Variants in SEMA6A observed in about 807,000 individuals in gnomAD.
The protein encoded by SEMA6A is semaphorin-6A.
Under a neutral mutation model 96.8 loss-of-function variants are expected in SEMA6A, and 25 were observed. The ratio of observed to expected loss-of-function variants is 0.26; its 90% CI spans 0.19 to 0.36. SEMA6A has a LOEUF of 0.36. Among genes scored for constraint, SEMA6A ranks in the 10% least tolerant of loss-of-function variants. SEMA6A has a pLI of 1.00. For missense variants in SEMA6A, 1,363 were observed against 1,323.1 expected, an observed-to-expected ratio of 1.03 and a Z score of -0.47; for synonymous variants, 612 against 518.0, an observed-to-expected ratio of 1.18 and a Z score of -2.46.
intron 3 of SEMA6A, among the ~76,000 whole-genome samples, chr5:116,499,520 A>G (rs1440773603): frequency 6.6e-6 from 1 of 152,134 alleles, no homozygotes; most frequent in African/African-American, 2.4e-5. Flanking sequence ...GTGTAAAATT[A>G]AAGTGAATTA....
Position 116,491,634 on chromosome 5 carries a change from A to C in SEMA6A, c.535+106T>G, listed in dbSNP as rs1282742677. 6 of 817,222 alleles carry C rather than the reference A, an allele frequency of 7.3e-6. No individual in the cohort carries two copies. In the African/African-American group the frequency reaches 1.0e-4, roughly 14 times the overall value. The allele number at this position is 817,222 out of a possible 1,614,324, so 50.6% of individuals were successfully genotyped here. Reference sequence around the variant, plus strand: ...CATTCTTAATTACAGTATTCACCAGAGAATCAAAGCACAACTGTGACTCCA... The same window carrying C: ...CATTCTTAATTACAGTATTCACCAGCGAATCAAAGCACAACTGTGACTCCA... On this transcript the variant is annotated intron_variant, in intron 7 of 18. Transcript: ENST00000343348.
In SEMA6A at chr5:116,446,416, G is replaced by A. The variant is rs978097371; in HGVS notation, c.*197C>T. On this transcript the variant is annotated 3_prime_UTR_variant, in exon 19 of 19. Transcript: ENST00000343348. ...AAGAGAATGAAGGTGAGTCCCCGCC[G>A]TTGCAAACCTTCACCAAACCACGCG... The A allele has an allele frequency of 1.0e-5, 5 of 482,952 alleles. No individual in the cohort carries two copies. The highest frequency in any genetic ancestry group is 3.1e-5 in the East Asian group (1 of 32,086). The allele number at this position is 482,952 out of a possible 1,614,324, so 29.9% of individuals were successfully genotyped here. A position where few individuals can be genotyped will look rare whatever the true frequency, so the allele number is the denominator to read the frequency against.
At chr5:116,480,723 A>T (rs55926200) in intron 11 of SEMA6A, among the ~76,000 whole-genome samples, 18,058 of 152,140 alleles carry the variant, frequency 0.12, 2,537 homozygotes, top group African/African-American at 0.34. Flanking sequence ...AAAACTCACC[A>T]GGGTATGTGC....
chr5:116,544,480 T>A (rs1020851056), intron 1 of SEMA6A, among the ~76,000 whole-genome samples: 2 of 151,754 alleles, frequency 1.3e-5, no homozygotes, highest in East Asian at 1.9e-4. Flanking sequence ...TTTTTTTTTT[T>A]AGAGATGGGG....
chr5:116,478,929 AGTGTGTGTGTGTGTGTGT>A lies in SEMA6A; in HGVS notation c.1251-229_1251-212del, dbSNP rs34260068. 9.0e-4 allele frequency among the ~76,000 whole-genome samples: 135 copies of A among 149,358 alleles called. No homozygotes were observed. The East Asian group carries it at 0.011, about 12-fold the overall frequency. On this transcript the variant is annotated intron_variant, in intron 12 of 18. Transcript: ENST00000343348. ...AAAGGGGAGGAAGGAGGTGTGAGAG[AGTGTGTGTGTGTGTGTGT>A]GTGTGTGTGTGTGTGTTTGCAGGCC... is the stretch of plus-strand genomic sequence containing the variant.
At chr5:116,487,015 G>A (rs756602997) in intron 9 of SEMA6A, 49 bp from the exon 10 acceptor site, 1 of 1,351,106 alleles carries the variant, frequency 7.4e-7, no homozygotes, top group Non-Finnish European at 1.1e-6. Flanking sequence ...CATTTTGCAA[G>A]GAGATCTTAG....
At chr5:116,473,002 G>C (rs769529587) in intron 17 of SEMA6A, 71 bp downstream of exon 17, 1 of 1,536,876 alleles carries the variant, frequency 6.5e-7, no homozygotes. Flanking sequence ...ATACTCAAGA[G>C]GATTAATGAA....
chr5:116,474,877 AATATTG>A (rs71702921), intron 16 of SEMA6A, among the ~76,000 whole-genome samples: 6,128 of 152,276 alleles, frequency 0.04, 149 homozygotes, highest in East Asian at 0.091. Flanking sequence ...TTTTCAGGAG[AATATTG>A]ATATTAATCG....
At chr5:116,448,159 C>T (rs1353697638) in intron 18 of SEMA6A, among the ~76,000 whole-genome samples, 1 of 123,374 alleles carries the variant, frequency 8.1e-6, no homozygotes, top group Admixed American at 9.1e-5. Context: ...TGGTGAAACC[C>T]CCGTCTCTAC....
chr5:116,501,926 T>G (rs1757902330), intron 3 of SEMA6A, among the ~76,000 whole-genome samples: 1 of 152,198 alleles, frequency 6.6e-6, no homozygotes, highest in Non-Finnish European at 1.5e-5. Flanking sequence ...CAGAGCATTC[T>G]AATGGGTGCT....
chr5:116,515,794 G>A (rs1396558001), intron 1 of SEMA6A, among the ~76,000 whole-genome samples: 1 of 152,168 alleles, frequency 6.6e-6, no homozygotes, highest in Non-Finnish European at 1.5e-5. Context: ...GCAGGGATGT[G>A]TTCTTTCCCC....
rs181546731 is a variant in SEMA6A, at chr5:116,511,217, A to G, written c.-38-6235T>C. 7.2e-5 allele frequency among the ~76,000 whole-genome samples: 11 copies of G among 152,338 alleles called. No individual in the cohort carries two copies. In the East Asian group the frequency reaches 2.1e-3, roughly 29 times the overall value. On this transcript the variant is annotated intron_variant, in intron 1 of 18. Coordinates refer to ENST00000343348, the MANE Select transcript of SEMA6A (RefSeq NM_020796.5). ...TGTATACTTAAATCATCTCTAGATT[A>G]TTTATAATACATAATACAATGTAAA... is the stretch of plus-strand genomic sequence containing the variant.
intron 10 of SEMA6A, among the ~76,000 whole-genome samples, chr5:116,483,437 T>G (rs1418127663): frequency 6.6e-6 from 1 of 152,148 alleles, no homozygotes; most frequent in Non-Finnish European, 1.5e-5. Flanking sequence ...AGTGGGTCAT[T>G]ACATGGCAAG....
chr5:116,550,813 C>T lies in SEMA6A; in HGVS notation c.-39+23372G>A, dbSNP rs113237802. Reference sequence around the variant, plus strand: ...TCAGGATGATTAATTAAATCAGAGGCTGCCAATATTGACTGATCATCACAA... The same window carrying T: ...TCAGGATGATTAATTAAATCAGAGGTTGCCAATATTGACTGATCATCACAA... On this transcript the variant is annotated intron_variant, in intron 1 of 18. Coordinates refer to ENST00000343348, the MANE Select transcript of SEMA6A (RefSeq NM_020796.5). Among the ~76,000 whole-genome samples, 744 of 152,288 alleles carry T rather than the reference C, an allele frequency of 4.9e-3. 2 individuals carry two copies. Among genetic ancestry groups the T allele is most frequent in the African/African-American group, 0.016 (681 of 41,572 alleles).
At chr5:116,524,361 G>T (rs1199204241) in intron 1 of SEMA6A, among the ~76,000 whole-genome samples, 1 of 152,206 alleles carries the variant, frequency 6.6e-6, no homozygotes, top group Admixed American at 6.5e-5. Context: ...ATCATCAGTA[G>T]CTGGTCACCA....
At chr5:116,449,249 A>G (rs1284268861) in intron 18 of SEMA6A, 2 of 699,196 alleles carry the variant, frequency 2.9e-6, no homozygotes, top group Non-Finnish European at 5.2e-6. Context: ...CATTAGAGGC[A>G]CTGCATGGGC....
At chr5:116,464,229 G>A (rs1195976322) in intron 18 of SEMA6A, among the ~76,000 whole-genome samples, 1 of 152,154 alleles carries the variant, frequency 6.6e-6, no homozygotes, top group Non-Finnish European at 1.5e-5. Context: ...GCAAAACCAA[G>A]ACAGAAGTAG....
intron 18 of SEMA6A, among the ~76,000 whole-genome samples, chr5:116,451,122 C>T (rs1364926539): frequency 1.3e-5 from 2 of 152,124 alleles, no homozygotes; most frequent in Non-Finnish European, 2.9e-5. Flanking sequence ...ATCTCTGGGC[C>T]TCAGTTTTTT....
In SEMA6A at chr5:116,489,024, A is replaced by G; in HGVS notation, c.536-17T>C. 1 of 1,553,472 alleles carries G rather than the reference A, an allele frequency of 6.4e-7. No individual in the cohort carries two copies. Among genetic ancestry groups the G allele is most frequent in the Non-Finnish European group, 8.7e-7 (1 of 1,147,772 alleles). ...GTTTTCCATCTTAGAAGAAAAAGAAAAGAGGTGAACAGGGTGGGAGCAAGT... is the reference window on the plus strand; with the variant it reads ...GTTTTCCATCTTAGAAGAAAAAGAAGAGAGGTGAACAGGGTGGGAGCAAGT... On this transcript the variant is annotated splice_polypyrimidine_tract_variant and intron_variant, in intron 7 of 18. Coordinates refer to ENST00000343348, the MANE Select transcript of SEMA6A (RefSeq NM_020796.5).
Sources: gnomAD v4.1 joint callset for allele counts (sites outside exome capture counted in the v4.1 genomes callset) on GRCh38, gnomAD v4.1.1 for gene constraint, MANE v1.5 for transcripts, NCBI Gene and HGNC (gene_info 2026-07-23, HGNC 2026-07-21) for gene names.